TENM3: variants seen among roughly 807,000 people sequenced by gnomAD.
The protein encoded by TENM3 is teneurin-3.
A neutral mutation model predicts 255.1 loss-of-function variants in TENM3; 63 were observed. That is an observed-to-expected ratio of 0.25 (90% CI 0.20 to 0.30). The LOEUF is 0.30. Ranked by LOEUF, TENM3 falls within the 10% of genes least tolerant of loss-of-function variation. The probability of loss-of-function intolerance (pLI) is 1.00; values close to 1 mark genes in which losing one functional copy is unlikely to be tolerated. For missense variants in TENM3, 2,929 were observed against 3,461.1 expected (o/e 0.85, Z 3.86); for synonymous variants, 1,306 against 1,322.3 (o/e 0.99, Z 0.27).
chr4:182,176,690 C>T (rs967659097), intron 1 of TENM3, among the ~76,000 whole-genome samples: 8 of 151,616 alleles, frequency 5.3e-5, no homozygotes, highest in South Asian at 2.1e-4. Context: ...TTTTTTGAGA[C>T]GGAGTCTCAC....
At chr4:181,799,361 T>C in the TENM3 span, among the ~76,000 whole-genome samples, 2 of 152,234 alleles carry the variant, frequency 1.3e-5, no homozygotes, top group African/African-American at 4.8e-5. Flanking sequence ...GTCAAATGCA[T>C]TCAGGAAACA....
intron 1 of TENM3, among the ~76,000 whole-genome samples, chr4:182,219,736 T>C (rs1340903853): frequency 6.6e-6 from 1 of 152,194 alleles, no homozygotes; most frequent in Non-Finnish European, 1.5e-5. Context: ...AATTTTAAAA[T>C]ATCCAACTGA....
the TENM3 span, among the ~76,000 whole-genome samples, chr4:181,736,731 G>A: frequency 5.9e-5 from 9 of 152,046 alleles, no homozygotes; most frequent in African/African-American, 2.4e-5. Context: ...AATTGGAGCC[G>A]ACTGAGCCTC....
chr4:182,746,791 G>C (rs572136514), intron 19 of TENM3, among the ~76,000 whole-genome samples: 1 of 152,288 alleles, frequency 6.6e-6, no homozygotes, highest in South Asian at 2.1e-4. Flanking sequence ...AGAGAATGGA[G>C]AGTATTTGTC....
intron 1 of TENM3, among the ~76,000 whole-genome samples, chr4:182,292,904 A>AG (rs1372623734): frequency 1.3e-5 from 2 of 152,162 alleles, no homozygotes; most frequent in African/African-American, 4.8e-5. Context: ...GGAGTTAACT[A>AG]GGGGGAGAGG....
At chr4:182,274,669 A>C (rs1186011215) in intron 1 of TENM3, among the ~76,000 whole-genome samples, 1 of 152,182 alleles carries the variant, frequency 6.6e-6, no homozygotes, top group Non-Finnish European at 1.5e-5. Context: ...AAAGTCTACC[A>C]AATTAAAGCT....
intron 1 of TENM3, among the ~76,000 whole-genome samples, chr4:182,294,000 T>C (rs1485324712): frequency 6.6e-6 from 1 of 152,158 alleles, no homozygotes; most frequent in African/African-American, 2.4e-5. Flanking sequence ...GGGTCTTTCC[T>C]GCGCTCCCTG....
At chr4:182,349,569 A>G (rs539528200) in intron 3 of TENM3, among the ~76,000 whole-genome samples, 1 of 152,280 alleles carries the variant, frequency 6.6e-6, no homozygotes, top group Admixed American at 6.5e-5. Context: ...TCTTTCCCTT[A>G]AGCTGGGTTA....
chr4:181,706,494 A>G, the TENM3 span, among the ~76,000 whole-genome samples: 1 of 152,328 alleles, frequency 6.6e-6, no homozygotes, highest in East Asian at 1.9e-4. Flanking sequence ...TAGTAAAGTT[A>G]TACACAAGCC....
At chr4:181,682,519 T>C in the TENM3 span, among the ~76,000 whole-genome samples, 1 of 152,264 alleles carries the variant, frequency 6.6e-6, no homozygotes, top group East Asian at 1.9e-4. Flanking sequence ...ATGGCCTCTT[T>C]TATTTAAAAT....
In TENM3 at chr4:182,600,908, T is replaced by C. The variant is rs2152411995; in HGVS notation, c.512-16T>C. ...AATGAGTTCTCTTTCTTTTTTTTTT[T>C]TTTTTTTTTTTTCAGAGCAACCTGC... On this transcript the variant is annotated splice_polypyrimidine_tract_variant and intron_variant, in intron 3 of 27. Transcript: ENST00000511685. 2 of 1,232,672 alleles carry C rather than the reference T, an allele frequency of 1.6e-6. No homozygotes were observed. The highest frequency in any genetic ancestry group is 1.8e-5 in the South Asian group (1 of 56,974). 76.4% of individuals were successfully genotyped at this position (1,232,672 alleles called of 1,614,324 possible). A position where few individuals can be genotyped will look rare whatever the true frequency, so the allele number is the denominator to read the frequency against.
At chr4:181,671,940 G>C in the TENM3 span, among the ~76,000 whole-genome samples, 1 of 152,084 alleles carries the variant, frequency 6.6e-6, no homozygotes, top group South Asian at 2.1e-4. Flanking sequence ...GACTGACTAG[G>C]AATAGGATTA....
chr4:182,434,955 C>T (rs1329355203), intron 3 of TENM3, among the ~76,000 whole-genome samples: 1 of 152,116 alleles, frequency 6.6e-6, no homozygotes, highest in South Asian at 2.1e-4. Flanking sequence ...ACAATGAGTA[C>T]AGGAAAGGCA....
At chr4:182,515,924 T>C (rs905204043) in intron 3 of TENM3, among the ~76,000 whole-genome samples, 8 of 152,254 alleles carry the variant, frequency 5.3e-5, no homozygotes, top group Admixed American at 2.0e-4. Context: ...AGCAGCTCTA[T>C]AATGACCACA....
the TENM3 span, among the ~76,000 whole-genome samples, chr4:181,876,702 T>C: frequency 2.0e-5 from 3 of 152,156 alleles, no homozygotes; most frequent in Non-Finnish European, 4.4e-5. Flanking sequence ...AAATCTGTGA[T>C]TTAAAACCCT....
the TENM3 span, among the ~76,000 whole-genome samples, chr4:181,519,397 C>T: frequency 2.6e-5 from 4 of 152,162 alleles, no homozygotes; most frequent in African/African-American, 9.7e-5. Context: ...TAGCTATTCT[C>T]ATAATTAGTA....
At chr4:182,512,284 A>T (rs1053870040) in intron 3 of TENM3, among the ~76,000 whole-genome samples, 1 of 152,128 alleles carries the variant, frequency 6.6e-6, no homozygotes, top group African/African-American at 2.4e-5. Flanking sequence ...GTCTCTTTTT[A>T]TTTGCTAAAC....
chr4:181,466,210 C>G, the TENM3 span, among the ~76,000 whole-genome samples: 1 of 151,328 alleles, frequency 6.6e-6, no homozygotes, highest in Non-Finnish European at 1.5e-5. Context: ...CTCCGCCTCA[C>G]TGGTTCAAGT....
At chr4:182,681,763 G>T in intron 10 of TENM3, 51 bp from the exon 11 acceptor site, 2 of 1,288,512 alleles carry the variant, frequency 1.6e-6, no homozygotes, top group South Asian at 1.4e-5. Context: ...TTTTCTGCAT[G>T]CACTATGATA....
Sources: allele counts gnomAD v4.1 joint callset (sites outside exome capture counted in the v4.1 genomes callset), GRCh38; gene constraint gnomAD v4.1.1; transcripts MANE v1.5; gene names NCBI Gene and HGNC (gene_info 2026-07-23, HGNC 2026-07-21).